COMMD1: variants seen among roughly 807,000 people sequenced by gnomAD.
COMMD1 encodes the protein copper metabolism domain containing 1, also known as COMM domain-containing protein 1.
Under a neutral mutation model 17.2 loss-of-function variants are expected in COMMD1, and 10 were observed. That is an observed-to-expected ratio of 0.58 (90% CI 0.36 to 0.99). The LOEUF (loss-of-function observed/expected upper bound fraction) is 0.99. Ranked by LOEUF, COMMD1 falls within the 50% of genes least tolerant of loss-of-function variation. COMMD1 has a pLI of 0.01. For synonymous variants in COMMD1, 97 were observed against 91.6 expected (o/e 1.06, Z -0.34); for missense variants, 270 against 231.8 (o/e 1.17, Z -1.07).
chr2:62,133,428 C>T (rs192565536), intron 2 of COMMD1, among the ~76,000 whole-genome samples: 66 of 152,082 alleles, frequency 4.3e-4, no homozygotes, highest in African/African-American at 1.5e-3. Context: ...TTTTTCTCTG[C>T]CTTCTTAGGT....
chr2:62,019,438 G>T (rs1669552801), intron 2 of COMMD1, among the ~76,000 whole-genome samples: 1 of 152,074 alleles, frequency 6.6e-6, no homozygotes, highest in African/African-American at 2.4e-5. Flanking sequence ...GCCTCCCAAA[G>T]TGCTGGGATT....
At chr2:62,132,262 T>C (rs754601478) in intron 2 of COMMD1, among the ~76,000 whole-genome samples, 3 of 152,210 alleles carry the variant, frequency 2.0e-5, no homozygotes, top group Non-Finnish European at 4.4e-5. Flanking sequence ...CATTCATACA[T>C]AGAGATCCAA....
intron 2 of COMMD1, among the ~76,000 whole-genome samples, chr2:62,104,371 C>T (rs1045021034): frequency 2.0e-5 from 3 of 151,872 alleles, no homozygotes; most frequent in Admixed American, 6.6e-5. Flanking sequence ...CAGTGGCTCA[C>T]GCCTGTAATC....
intron 2 of COMMD1, among the ~76,000 whole-genome samples, chr2:62,112,385 C>T (rs1672478344): frequency 1.3e-5 from 2 of 152,158 alleles, no homozygotes; most frequent in South Asian, 2.1e-4. Context: ...TGGTACTGTT[C>T]CCTAACATGA....
chr2:62,104,327 A>G (rs1672263625), intron 2 of COMMD1, among the ~76,000 whole-genome samples: 1 of 152,032 alleles, frequency 6.6e-6, no homozygotes, highest in Admixed American at 6.5e-5. Context: ...CCCCATCTCT[A>G]CAAAAAGTTT....
At chr2:61,963,189 A>T (rs554227628) in intron 1 of COMMD1, among the ~76,000 whole-genome samples, 1 of 130,316 alleles carries the variant, frequency 7.7e-6, no homozygotes, top group African/African-American at 3.4e-5. Context: ...TATATATTAT[A>T]TACACACACA....
chr2:62,025,213 C>G (rs1303944051), intron 2 of COMMD1, among the ~76,000 whole-genome samples: 3 of 151,848 alleles, frequency 2.0e-5, no homozygotes, highest in Non-Finnish European at 4.4e-5. Flanking sequence ...GAGCGAGACT[C>G]TGCCTCAAAA....
In COMMD1 at chr2:62,135,912, A is replaced by G. The variant is rs1272360676; in HGVS notation, c.544A>G (p.Ile182Val). 2 of 1,599,094 alleles carry G rather than the reference A, an allele frequency of 1.3e-6. No homozygotes were observed. Among genetic ancestry groups the G allele is most frequent in the Admixed American group, 3.3e-5 (2 of 60,006 alleles). ...LKTLSEVEES[I>V]STLISQPN is the part of the protein sequence containing the mutation. ...GACGCTGTCAGAGGTAGAAGAAAGT[A>G]TCAGCACACTGATCAGCCAGCCTAA... is the stretch of plus-strand genomic sequence containing the variant. Residue 182 changes from isoleucine to valine, a missense_variant, in exon 3 of 3, where the codon ATC becomes GTC. Coordinates refer to ENST00000311832, the MANE Select transcript of COMMD1 (RefSeq NM_152516.4).
At chr2:62,062,775 A>T (rs1455711671) in intron 2 of COMMD1, among the ~76,000 whole-genome samples, 1 of 152,112 alleles carries the variant, frequency 6.6e-6, no homozygotes, top group Non-Finnish European at 1.5e-5. Context: ...TTTTTATAAA[A>T]TGTCAGATGT....
chr2:62,021,707 A>G (rs1669618048), intron 2 of COMMD1, among the ~76,000 whole-genome samples: 1 of 152,194 alleles, frequency 6.6e-6, no homozygotes, highest in Non-Finnish European at 1.5e-5. Context: ...AAGAATGGAA[A>G]CACCACTCCA....
At chr2:61,945,049 G>A (rs987542306) in intron 1 of COMMD1, among the ~76,000 whole-genome samples, 2 of 152,154 alleles carry the variant, frequency 1.3e-5, no homozygotes, top group Non-Finnish European at 2.9e-5. Context: ...GTTGGAGCTC[G>A]TCAAACCTGA....
intron 2 of COMMD1, among the ~76,000 whole-genome samples, chr2:62,120,814 C>T (rs1289079691): frequency 6.6e-6 from 1 of 152,160 alleles, no homozygotes; most frequent in Non-Finnish European, 1.5e-5. Context: ...CAGTCTTGAC[C>T]TGTGCTCAAG....
chr2:61,986,824 C>T (rs1672118905), intron 1 of COMMD1, among the ~76,000 whole-genome samples: 1 of 152,026 alleles, frequency 6.6e-6, no homozygotes, highest in South Asian at 2.1e-4. Context: ...CTGCCTTGGC[C>T]TCCCAAAGTG....
At chr2:61,967,951 A>G (rs1384310585) in intron 1 of COMMD1, among the ~76,000 whole-genome samples, 1 of 152,214 alleles carries the variant, frequency 6.6e-6, no homozygotes, top group Admixed American at 6.5e-5. Context: ...ATCTGAGGTC[A>G]GGAGTTCGAG....
upstream of COMMD1, among the ~76,000 whole-genome samples, chr2:61,905,137 A>G (rs865890687): frequency 2.3e-4 from 35 of 152,270 alleles, no homozygotes; most frequent in African/African-American, 7.7e-4. Context: ...CATATAAAAG[A>G]ACATTGGATC....
rs1413677022 is a variant in COMMD1, at chr2:62,082,378, C to T, written c.463-53453C>T. On this transcript the variant is annotated intron_variant, in intron 2 of 2. Coordinates refer to ENST00000311832, the MANE Select transcript of COMMD1 (RefSeq NM_152516.4). ...ACCTTAGAACACTCAAGTGGTAATC[C>T]TGGCACTAGCAGGAAGTAGGAGCTG... Among the ~76,000 whole-genome samples, 3 of 152,106 alleles carry T rather than the reference C, an allele frequency of 2.0e-5. No individual in the cohort carries two copies. The East Asian group carries it at 5.8e-4, about 29-fold the overall frequency.
At chr2:62,003,399 G>T (rs1464796473) in intron 2 of COMMD1, among the ~76,000 whole-genome samples, 2 of 151,756 alleles carry the variant, frequency 1.3e-5, no homozygotes, top group African/African-American at 4.8e-5. Flanking sequence ...AAATTAGCCG[G>T]GCGTGGTGGC....
chr2:61,960,232 C>G (rs916534200), intron 1 of COMMD1, among the ~76,000 whole-genome samples: 1 of 152,192 alleles, frequency 6.6e-6, no homozygotes, highest in Non-Finnish European at 1.5e-5. Context: ...ACAATCCCTT[C>G]TCTTTTTACT....
At chr2:62,006,775 C>T (rs1264608880) in intron 2 of COMMD1, among the ~76,000 whole-genome samples, 2 of 152,192 alleles carry the variant, frequency 1.3e-5, no homozygotes, top group African/African-American at 2.4e-5. Flanking sequence ...ATTCACCTAA[C>T]ACCTTTGTTG....
Sources: allele counts gnomAD v4.1 joint callset (sites outside exome capture counted in the v4.1 genomes callset), GRCh38; gene constraint gnomAD v4.1.1; transcripts MANE v1.5; gene names NCBI Gene and HGNC (gene_info 2026-07-23, HGNC 2026-07-21).